ZDHHC17: variants seen among roughly 807,000 people sequenced by gnomAD.
The protein encoded by ZDHHC17 is palmitoyltransferase ZDHHC17.
In ZDHHC17, 40 loss-of-function variants were observed where a neutral mutation model predicts 90.3. The ratio of observed to expected loss-of-function variants is 0.44; its 90% CI spans 0.34 to 0.58. The LOEUF is 0.58. Among genes scored for constraint, ZDHHC17 ranks in the 20% least tolerant of loss-of-function variants. The pLI is 0.01. For missense variants in ZDHHC17, 614 were observed against 780.8 expected, an observed-to-expected ratio of 0.79 and a Z score of 2.55; for synonymous variants, 235 against 252.4, an observed-to-expected ratio of 0.93 and a Z score of 0.65.
At chr12:76,833,488 A>G (rs1384643072) in intron 10 of ZDHHC17, among the ~76,000 whole-genome samples, 1 of 152,152 alleles carries the variant, frequency 6.6e-6, no homozygotes, top group African/African-American at 2.4e-5. Flanking sequence ...CTCTAGAATG[A>G]TCTTTAAAAA....
intron 1 of ZDHHC17, among the ~76,000 whole-genome samples, chr12:76,794,074 A>G (rs1351957027): frequency 6.6e-6 from 1 of 151,956 alleles, no homozygotes; most frequent in Non-Finnish European, 1.5e-5. Flanking sequence ...TTTAGTAGAG[A>G]CGGGGTTTCA....
chr12:76,822,433 C>G lies in ZDHHC17; in HGVS notation c.799C>G (p.Gln267Glu), dbSNP rs1261472444. The G allele has an allele frequency of 6.2e-7, 1 of 1,612,832 alleles. No homozygotes were observed. Among genetic ancestry groups the G allele is most frequent in the Non-Finnish European group, 8.5e-7 (1 of 1,179,668 alleles). The change falls in exon 8 of 17, where the codon CAG (glutamine) becomes GAG (glutamate). Residue 267 changes from glutamine (Q) to glutamate (E), a missense_variant. By Grantham distance (29) the Gln-to-Glu change is conservative. Around this residue, in one of 5 missense-constraint regions of ZDHHC17, gnomAD observed 358 missense variants for 380.4 expected, o/e 0.94. Coordinates refer to ENST00000426126, the MANE Select transcript of ZDHHC17 (RefSeq NM_015336.4). ...CGAATCAGCGCTTGATTTGGCAAAACAGAGAAAAAATGTGTGGATGATCAA... is the reference window on the plus strand; with the variant it reads ...CGAATCAGCGCTTGATTTGGCAAAAGAGAGAAAAAATGTGTGGATGATCAA... The part of the protein sequence containing the change: ...KGESALDLAK[Q>E]RKNVWMINHL...
At chr12:76,787,321 T>C (rs1163169246) in intron 1 of ZDHHC17, among the ~76,000 whole-genome samples, 1 of 152,146 alleles carries the variant, frequency 6.6e-6, no homozygotes. Context: ...ATCGAGAATC[T>C]CCAATGAAAT....
intron 5 of ZDHHC17, among the ~76,000 whole-genome samples, chr12:76,811,655 TAATA>T (rs1953023435): frequency 6.6e-6 from 1 of 152,070 alleles, no homozygotes; most frequent in African/African-American, 2.4e-5. Flanking sequence ...CACACAAAGA[TAATA>T]AATGTTTATT....
At position 76,853,076 on chromosome 12, in the gene ZDHHC17, C is replaced by G. The variant is rs545498182; in HGVS notation, c.*2091C>G. On this transcript the variant is annotated 3_prime_UTR_variant, in exon 17 of 17. Coordinates refer to ENST00000426126, the MANE Select transcript of ZDHHC17 (RefSeq NM_015336.4). ...TGGCTAAGAATGTTGTTACCATCTT[C>G]TTTGTTTGTGGTACAATATTTTCAG... is the stretch of plus-strand genomic sequence containing the variant. 3 of 152,222 alleles carry G rather than the reference C, an allele frequency of 2.0e-5. No homozygotes were observed. In the South Asian group the frequency reaches 6.2e-4, roughly 32 times the overall value. 9.4% of individuals were successfully genotyped at this position (152,222 alleles called of 1,614,324 possible).
chr12:76,838,896 G>A (rs1953400426), intron 10 of ZDHHC17, among the ~76,000 whole-genome samples: 1 of 152,184 alleles, frequency 6.6e-6, no homozygotes, highest in African/African-American at 2.4e-5. Flanking sequence ...TGATATACCA[G>A]AGACTAGGTG....
At chr12:76,821,848 T>G (rs535324493) in intron 7 of ZDHHC17, among the ~76,000 whole-genome samples, 1 of 152,282 alleles carries the variant, frequency 6.6e-6, no homozygotes, top group Non-Finnish European at 1.5e-5. Context: ...AACTTGAATT[T>G]GCTATTTTTT....
At chr12:76,789,762 T>C (rs1237794133) in intron 1 of ZDHHC17, among the ~76,000 whole-genome samples, 5 of 151,994 alleles carry the variant, frequency 3.3e-5, no homozygotes. Flanking sequence ...AATACATAAC[T>C]TGAGTCTAGT....
intron 1 of ZDHHC17, among the ~76,000 whole-genome samples, chr12:76,771,731 A>G (rs1952494380): frequency 6.6e-6 from 1 of 151,948 alleles, no homozygotes; most frequent in Admixed American, 6.6e-5. Flanking sequence ...TACCAAAACT[A>G]TCCCTATTCT....
At chr12:76,841,665 T>G (rs978505324) in intron 10 of ZDHHC17, among the ~76,000 whole-genome samples, 2 of 152,106 alleles carry the variant, frequency 1.3e-5, no homozygotes, top group Non-Finnish European at 2.9e-5. Flanking sequence ...GCCTAAAGAT[T>G]GCAGTGCATA....
At chr12:76,841,936 G>T in intron 10 of ZDHHC17, 46 bp from the exon 11 acceptor site, 1 of 1,361,256 alleles carries the variant, frequency 7.3e-7, no homozygotes, top group Non-Finnish European at 9.6e-7. Flanking sequence ...ATATATAATA[G>T]TAATTCATTT....
chr12:76,834,030 T>C (rs1003076907), intron 10 of ZDHHC17, among the ~76,000 whole-genome samples: 11 of 152,172 alleles, frequency 7.2e-5, no homozygotes, highest in Non-Finnish European at 1.3e-4. Context: ...CTTAATGATA[T>C]GGGCTCATAT....
chr12:76,824,358 A>G (rs562898834), intron 8 of ZDHHC17, among the ~76,000 whole-genome samples: 1 of 152,022 alleles, frequency 6.6e-6, no homozygotes, highest in Non-Finnish European at 1.5e-5. Context: ...TTTAAAGCCT[A>G]TGATGATTGG....
At chr12:76,783,500 GC>G (rs1477639730) in intron 1 of ZDHHC17, among the ~76,000 whole-genome samples, 1 of 152,170 alleles carries the variant, frequency 6.6e-6, no homozygotes, top group Non-Finnish European at 1.5e-5. Context: ...GGTGGAAACC[GC>G]CCCCATGATC....
intron 1 of ZDHHC17, among the ~76,000 whole-genome samples, chr12:76,783,285 G>A (rs1441302768): frequency 2.0e-5 from 3 of 152,196 alleles, no homozygotes; most frequent in Admixed American, 1.3e-4. Flanking sequence ...AATTTATAAA[G>A]GAAAGAGATT....
rs1288460119 is a variant in ZDHHC17 at position 76,823,894 on chromosome 12, G to T, written c.897+1363G>T. Among the ~76,000 whole-genome samples, 6 of 152,142 alleles carry T rather than the reference G, an allele frequency of 3.9e-5. No individual in the cohort carries two copies. The East Asian group carries it at 7.7e-4, about 20-fold the overall frequency. On this transcript the variant is annotated intron_variant, in intron 8 of 16. Coordinates refer to ENST00000426126, the MANE Select transcript of ZDHHC17 (RefSeq NM_015336.4). ...ACTCTTCTGTTTAATTATTAGATAT[G>T]ATATAGAAAATGATTTATTTTGTGT... is the stretch of plus-strand genomic sequence containing the variant.
chr12:76,834,481 A>G (rs774132916), intron 10 of ZDHHC17, among the ~76,000 whole-genome samples: 4 of 152,190 alleles, frequency 2.6e-5, no homozygotes, highest in Non-Finnish European at 2.9e-5. Context: ...GTTATCTCCC[A>G]TGCATTCCCT....
intron 5 of ZDHHC17, among the ~76,000 whole-genome samples, chr12:76,814,282 G>A (rs1400264890): frequency 6.6e-6 from 1 of 151,898 alleles, no homozygotes; most frequent in Non-Finnish European, 1.5e-5. Flanking sequence ...AAGTAGTAGT[G>A]GGGGAAAGAT....
At chr12:76,838,255 G>A (rs116759101) in intron 10 of ZDHHC17, among the ~76,000 whole-genome samples, 2,431 of 152,008 alleles carry the variant, frequency 0.016, 33 homozygotes, top group Middle Eastern at 0.041. Flanking sequence ...TCCATACTGG[G>A]TTATTTGCTT....
Sources: gnomAD v4.1 joint callset for allele counts (sites outside exome capture counted in the v4.1 genomes callset) on GRCh38, gnomAD v4.1.1 for gene constraint, gnomAD v4.1.1 regional missense constraint, MANE v1.5 for transcripts, NCBI Gene and HGNC (gene_info 2026-07-23, HGNC 2026-07-21) for gene names.